Variants in KDM4C observed in about 807,000 individuals in gnomAD.
KDM4C encodes the protein lysine-specific demethylase 4C.
In KDM4C, 81 loss-of-function variants were observed where a neutral mutation model predicts 129.3. That is an observed-to-expected ratio of 0.63 (90% confidence interval 0.52 to 0.75). KDM4C has a LOEUF of 0.75. Ranked by LOEUF, KDM4C falls within the 30% of genes least tolerant of loss-of-function variation. KDM4C has a pLI of 0.00. For missense variants in KDM4C, 1,457 were observed against 1,304.0 expected, an observed-to-expected ratio of 1.12 and a Z score of -1.81; for synonymous variants, 573 against 456.1, an observed-to-expected ratio of 1.26 and a Z score of -3.26.
At chr9:7,076,374 C>T in intron 17 of KDM4C, 1 of 1,205,974 alleles carries the variant, frequency 8.3e-7, no homozygotes, top group Non-Finnish European at 1.2e-6. Context: ...ATGCTATTTT[C>T]ACTATAATTT....
chr9:6,951,654 C>G (rs913569274), intron 8 of KDM4C, among the ~76,000 whole-genome samples: 2 of 152,082 alleles, frequency 1.3e-5, no homozygotes, highest in Admixed American at 6.5e-5. Context: ...GGACAATTAC[C>G]CATGGTATAC....
At chr9:6,996,668 G>C (rs993968013) in intron 12 of KDM4C, among the ~76,000 whole-genome samples, 3 of 152,182 alleles carry the variant, frequency 2.0e-5, no homozygotes, top group African/African-American at 7.2e-5. Flanking sequence ...ATACTCCTCT[G>C]CTCAGCGATT....
chr9:7,073,839 T>A (rs1833546056), intron 17 of KDM4C, among the ~76,000 whole-genome samples: 1 of 152,144 alleles, frequency 6.6e-6, no homozygotes, highest in Admixed American at 6.5e-5. Context: ...TGACAAACAG[T>A]TGGTCTGTCA....
chr9:6,958,510 CA>C (rs1829476762), intron 8 of KDM4C, among the ~76,000 whole-genome samples: 1 of 151,398 alleles, frequency 6.6e-6, no homozygotes, highest in African/African-American at 2.4e-5. Context: ...TTGCTCCAAC[CA>C]GGGAGGCAGA....
intron 15 of KDM4C, among the ~76,000 whole-genome samples, chr9:7,040,086 A>G (rs1017325341): frequency 3.3e-5 from 5 of 152,146 alleles, no homozygotes; most frequent in South Asian, 4.2e-4. Flanking sequence ...TACAATTTAC[A>G]TTTTTGAATG....
intron 17 of KDM4C, among the ~76,000 whole-genome samples, chr9:7,067,945 A>G (rs1320955618): frequency 2.0e-5 from 3 of 151,972 alleles, no homozygotes; most frequent in Non-Finnish European, 2.9e-5. Context: ...ACAGGCGGCC[A>G]CCACCACGCA....
At chr9:6,748,292 G>T (rs1817950324) in intron 1 of KDM4C, among the ~76,000 whole-genome samples, 1 of 152,088 alleles carries the variant, frequency 6.6e-6, no homozygotes, top group African/African-American at 2.4e-5. Flanking sequence ...TGGATCACCT[G>T]AGGTCGGGAG....
At chr9:7,022,637 C>CTTTCTTTTTTT (rs1554703014) in intron 15 of KDM4C, among the ~76,000 whole-genome samples, 1 of 133,960 alleles carries the variant, frequency 7.5e-6, no homozygotes. Context: ...CCCTTTATTT[C>CTTTCTTTTTTT]TTTTTTTTTT....
chr9:7,066,247 G>T (rs1283174083), intron 17 of KDM4C, among the ~76,000 whole-genome samples: 2 of 152,104 alleles, frequency 1.3e-5, no homozygotes, highest in African/African-American at 4.8e-5. Flanking sequence ...GCATAAGATG[G>T]ACAGGTCATC....
intron 8 of KDM4C, among the ~76,000 whole-genome samples, chr9:6,907,254 T>G (rs1818482340): frequency 1.3e-5 from 2 of 152,152 alleles, no homozygotes; most frequent in South Asian, 4.1e-4. Context: ...ATATGTAAAT[T>G]GAATGAAAAA....
chr9:7,126,717 C>A (rs1376688670), intron 18 of KDM4C, among the ~76,000 whole-genome samples: 1 of 152,048 alleles, frequency 6.6e-6, no homozygotes, highest in Non-Finnish European at 1.5e-5. Flanking sequence ...TAAGAGCATA[C>A]CTAAGCACCT....
At chr9:7,073,091 C>G (rs778768883) in intron 17 of KDM4C, among the ~76,000 whole-genome samples, 3 of 152,094 alleles carry the variant, frequency 2.0e-5, no homozygotes, top group Non-Finnish European at 4.4e-5. Context: ...CAGCAACATT[C>G]CACCCCATGC....
intron 19 of KDM4C, among the ~76,000 whole-genome samples, chr9:7,136,912 T>A (rs1377148570): frequency 2.6e-5 from 4 of 152,248 alleles, no homozygotes; most frequent in Non-Finnish European, 5.9e-5. Flanking sequence ...AGGTAAAGAA[T>A]ATTTTTTCCT....
At chr9:7,106,744 C>T (rs1587674272) in intron 18 of KDM4C, among the ~76,000 whole-genome samples, 1 of 152,038 alleles carries the variant, frequency 6.6e-6, no homozygotes, top group South Asian at 2.1e-4. Context: ...ATCCTTTAGC[C>T]TCAGCCTCCC....
intron 18 of KDM4C, among the ~76,000 whole-genome samples, chr9:7,120,644 A>G (rs1839390976): frequency 6.6e-6 from 1 of 152,234 alleles, no homozygotes; most frequent in African/African-American, 2.4e-5. Flanking sequence ...TATTAAAAAC[A>G]GTAAAAGTGC....
At chr9:6,975,318 A>T (rs986133375) in intron 8 of KDM4C, among the ~76,000 whole-genome samples, 1 of 152,236 alleles carries the variant, frequency 6.6e-6, no homozygotes, top group Non-Finnish European at 1.5e-5. Flanking sequence ...CCGGACATTT[A>T]TTTGCAGCTA....
chr9:7,022,007 G>T (rs1377938708), intron 15 of KDM4C, among the ~76,000 whole-genome samples: 1 of 152,148 alleles, frequency 6.6e-6, no homozygotes, highest in Non-Finnish European at 1.5e-5. Context: ...CTCTTCCACT[G>T]ATCTAAGTGT....
intron 17 of KDM4C, among the ~76,000 whole-genome samples, chr9:7,055,156 G>A (rs915836051): frequency 2.6e-5 from 4 of 152,110 alleles, no homozygotes; most frequent in South Asian, 2.1e-4. Flanking sequence ...CCATCCTGGC[G>A]ACAGAGCAAG....
At chr9:6,799,971 C>T (rs1004462050) in intron 2 of KDM4C, among the ~76,000 whole-genome samples, 3 of 151,812 alleles carry the variant, frequency 2.0e-5, no homozygotes, top group Non-Finnish European at 4.4e-5. Flanking sequence ...GCCTGTAGTC[C>T]CAGCACTTTG....
Sources: allele counts gnomAD v4.1 joint callset (sites outside exome capture counted in the v4.1 genomes callset), GRCh38; gene constraint gnomAD v4.1.1; transcripts MANE v1.5; gene names NCBI Gene and HGNC (gene_info 2026-07-23, HGNC 2026-07-21).